The following NRXN1 variants were observed in gnomAD, a reference collection of about 807,000 sequenced individuals.
NRXN1 encodes the protein neurexin 1.
In NRXN1, 39 loss-of-function variants were observed where a neutral mutation model predicts 150.9. The observed-to-expected ratio is 0.26, with a 90% CI of 0.20 to 0.34. The LOEUF (loss-of-function observed/expected upper bound fraction) is 0.34. Ranked by LOEUF, NRXN1 falls within the 10% of genes least tolerant of loss-of-function variation. The pLI is 1.00. For missense variants in NRXN1, 1,815 were observed against 1,949.9 expected (o/e 0.93, Z 1.30); for synonymous variants, 924 against 757.0 (o/e 1.22, Z -3.62).
At chr2:50,077,907 A>C (rs1558827797) in intron 19 of NRXN1, among the ~76,000 whole-genome samples, 1 of 152,038 alleles carries the variant, frequency 6.6e-6, no homozygotes. Context: ...CTTTGCGGGG[A>C]GGGGTAAACA....
chr2:50,688,827 G>A (rs1250488024), intron 5 of NRXN1, among the ~76,000 whole-genome samples: 1 of 152,012 alleles, frequency 6.6e-6, no homozygotes, highest in African/African-American at 2.4e-5. Context: ...AAATCTTCAG[G>A]GCCACCAGAA....
At chr2:50,921,904 C>A in intron 4 of NRXN1, 24 bp from the exon 5 acceptor site, 1 of 1,381,256 alleles carries the variant, frequency 7.2e-7, no homozygotes. Context: ...GAAATGGGTC[C>A]ATGAAGAAAG....
intron 8 of NRXN1, among the ~76,000 whole-genome samples, chr2:50,598,106 C>T (rs1675540750): frequency 6.6e-6 from 1 of 151,976 alleles, no homozygotes; most frequent in African/African-American, 2.4e-5. Flanking sequence ...CCATTGCACT[C>T]CAGCCTGGGC....
intron 19 of NRXN1, among the ~76,000 whole-genome samples, chr2:50,076,314 C>T (rs191639780): frequency 1.3e-5 from 2 of 152,176 alleles, no homozygotes; most frequent in African/African-American, 2.4e-5. Context: ...CAAACTAATA[C>T]GGGGAGGTTA....
intron 19 of NRXN1, among the ~76,000 whole-genome samples, chr2:50,067,343 C>A (rs1014515248): frequency 2.0e-5 from 3 of 152,160 alleles, no homozygotes; most frequent in African/African-American, 7.2e-5. Context: ...TACTTACATT[C>A]AAAAATTTTG....
In NRXN1 at chr2:50,383,847, G is replaced by A. The variant is rs1435776506; in HGVS notation, c.3364+81595C>T. 3.9e-5 allele frequency among the ~76,000 whole-genome samples: 6 copies of A among 152,190 alleles called. No homozygotes were observed. In the East Asian group the frequency reaches 1.2e-3, roughly 29 times the overall value. On this transcript the variant is annotated intron_variant, in intron 17 of 22. Coordinates refer to ENST00000401669, the MANE Select transcript of NRXN1 (RefSeq NM_001330078.2). ...TAGCTAATCAAATCTACTCCTGACA[G>A]TTTCTCACCACTGTGGAAAGTACTA...
At chr2:50,300,129 T>C (rs2074016101) in intron 17 of NRXN1, among the ~76,000 whole-genome samples, 1 of 152,208 alleles carries the variant, frequency 6.6e-6, no homozygotes, top group Non-Finnish European at 1.5e-5. Flanking sequence ...AATTTTTCTT[T>C]AATGGACATT....
chr2:50,819,868 A>C (rs1028015913), intron 5 of NRXN1, among the ~76,000 whole-genome samples: 8 of 152,190 alleles, frequency 5.3e-5, no homozygotes, highest in African/African-American at 1.9e-4. Context: ...TACTGTTAAC[A>C]CTGACTTGAG....
At chr2:50,057,120 C>A (rs570715866) in intron 19 of NRXN1, among the ~76,000 whole-genome samples, 3 of 152,132 alleles carry the variant, frequency 2.0e-5, no homozygotes, top group African/African-American at 7.2e-5. Context: ...TCTAGTATAA[C>A]CCTTCCCATT....
intron 17 of NRXN1, among the ~76,000 whole-genome samples, chr2:50,310,558 C>A (rs535475001): frequency 6.6e-6 from 1 of 152,056 alleles, no homozygotes; most frequent in African/African-American, 2.4e-5. Flanking sequence ...CATATTTTGG[C>A]CTCAAATGAC....
intron 18 of NRXN1, among the ~76,000 whole-genome samples, chr2:50,227,336 G>T (rs901843201): frequency 6.6e-6 from 1 of 151,936 alleles, no homozygotes; most frequent in African/African-American, 2.4e-5. Context: ...AATACTTAAA[G>T]AATACTATGA....
chr2:50,446,005 G>C (rs1231581152), intron 17 of NRXN1, among the ~76,000 whole-genome samples: 1 of 151,980 alleles, frequency 6.6e-6, no homozygotes, highest in Non-Finnish European at 1.5e-5. Flanking sequence ...CCTGGTTTAA[G>C]TTATCCCTCA....
Position 50,466,636 on chromosome 2 carries a change from A to G in NRXN1, c.3245-1075T>C, listed in dbSNP as rs767944478. ...TGCTATGTAGAGCAAACAAATTAAT[A>G]CTAACAGCCATAAATCTTAAGAGAA... On this transcript the variant is annotated intron_variant, in intron 16 of 22. Transcript: ENST00000401669. The G allele has an allele frequency of 7.7e-5, 28 of 362,316 alleles. No individual in the cohort carries two copies. The Admixed American group carries it at 8.9e-4, about 12-fold the overall frequency. The allele number at this position is 362,316 out of a possible 1,614,324, so 22.4% of individuals were successfully genotyped here.
At chr2:49,925,407 G>T (rs951671799) in intron 22 of NRXN1, among the ~76,000 whole-genome samples, 22 of 151,622 alleles carry the variant, frequency 1.5e-4, no homozygotes, top group African/African-American at 3.6e-4. Flanking sequence ...TTCTCTTATT[G>T]TCGCTAATGC....
chr2:50,969,552 A>G (rs1694676861), intron 2 of NRXN1, among the ~76,000 whole-genome samples: 1 of 152,186 alleles, frequency 6.6e-6, no homozygotes, highest in African/African-American at 2.4e-5. Context: ...GAAAGTATAA[A>G]TCAGGAAGTA....
chr2:50,603,528 G>C (rs188121705), intron 8 of NRXN1, among the ~76,000 whole-genome samples: 1 of 152,178 alleles, frequency 6.6e-6, no homozygotes, highest in Admixed American at 6.5e-5. Context: ...AAGAGGATTT[G>C]GTTTGTTAGT....
chr2:50,719,441 C>T (rs1478803625), intron 5 of NRXN1, among the ~76,000 whole-genome samples: 1 of 151,998 alleles, frequency 6.6e-6, no homozygotes, highest in African/African-American at 2.4e-5. Context: ...CTTTGGGAGG[C>T]CGAGGCAAGT....
chr2:50,872,431 G>A (rs1677920165), intron 5 of NRXN1, among the ~76,000 whole-genome samples: 1 of 151,650 alleles, frequency 6.6e-6, no homozygotes, highest in South Asian at 2.1e-4. Context: ...AATGGGGAGC[G>A]AGTAGTGATA....
chr2:50,335,890 G>GT (rs5831112), intron 17 of NRXN1, among the ~76,000 whole-genome samples: 1,717 of 145,318 alleles, frequency 0.012, 12 homozygotes, highest in Middle Eastern at 0.047. Flanking sequence ...AGTCCTTTCT[G>GT]TTTTTTTTTT....
Sources: allele counts gnomAD v4.1 joint callset (sites outside exome capture counted in the v4.1 genomes callset), GRCh38; gene constraint gnomAD v4.1.1; transcripts MANE v1.5; gene names NCBI Gene and HGNC (gene_info 2026-07-23, HGNC 2026-07-21).